MNAT1: variants seen among roughly 807,000 people sequenced by gnomAD.
MNAT1 encodes CDK-activating kinase assembly factor MAT1.
In MNAT1, 43 loss-of-function variants were observed where a neutral mutation model predicts 42.0. That is an observed-to-expected ratio of 1.02 (90% CI 0.80 to 1.32). MNAT1 has a LOEUF of 1.32. Among genes scored for constraint, MNAT1 ranks in the 40% most tolerant of loss-of-function variants. The probability of loss-of-function intolerance (pLI) is 0.00; values close to 1 mark genes in which losing one functional copy is unlikely to be tolerated. For missense variants in MNAT1, 306 were observed against 350.4 expected, an observed-to-expected ratio of 0.87 and a Z score of 1.01; for synonymous variants, 118 against 120.0, an observed-to-expected ratio of 0.98 and a Z score of 0.11.
intron 1 of MNAT1, among the ~76,000 whole-genome samples, chr14:60,752,639 T>C (rs556885816): frequency 1.3e-5 from 2 of 152,180 alleles, no homozygotes; most frequent in Non-Finnish European, 2.9e-5. Flanking sequence ...TATTCCAGCC[T>C]GGGTGACAGA....
At chr14:60,868,740 A>G (rs890942072) in intron 6 of MNAT1, among the ~76,000 whole-genome samples, 1 of 152,126 alleles carries the variant, frequency 6.6e-6, no homozygotes, top group Non-Finnish European at 1.5e-5. Flanking sequence ...ATTTTGTTAA[A>G]ATAACTACTA....
At chr14:60,886,791 C>T (rs963353046) in intron 7 of MNAT1, among the ~76,000 whole-genome samples, 3 of 151,874 alleles carry the variant, frequency 2.0e-5, no homozygotes, top group African/African-American at 7.3e-5. Context: ...TGATTTTGTA[C>T]ATATAGGATC....
At chr14:60,874,856 A>G (rs1207088938) in intron 6 of MNAT1, among the ~76,000 whole-genome samples, 1 of 152,092 alleles carries the variant, frequency 6.6e-6, no homozygotes, top group Non-Finnish European at 1.5e-5. Context: ...ATACTTTCTC[A>G]TGTGACCTGT....
At chr14:60,778,376 C>T (rs949397793) in intron 1 of MNAT1, among the ~76,000 whole-genome samples, 3 of 152,288 alleles carry the variant, frequency 2.0e-5, no homozygotes, top group Admixed American at 6.5e-5. Flanking sequence ...GCAGAATTCT[C>T]AACTTGGCTC....
intron 1 of MNAT1, among the ~76,000 whole-genome samples, chr14:60,791,157 TA>T (rs1420019573): frequency 5.3e-5 from 8 of 152,198 alleles, no homozygotes; most frequent in Non-Finnish European, 8.8e-5. Flanking sequence ...TTAAATATAC[TA>T]TTTGAATTTG....
At chr14:60,951,104 C>T (rs1248003973) in intron 7 of MNAT1, among the ~76,000 whole-genome samples, 2 of 152,018 alleles carry the variant, frequency 1.3e-5, no homozygotes, top group African/African-American at 4.8e-5. Context: ...TTAAATATTT[C>T]AAACATAGAG....
At chr14:60,952,559 G>A (rs2036403026) in intron 7 of MNAT1, among the ~76,000 whole-genome samples, 1 of 152,062 alleles carries the variant, frequency 6.6e-6, no homozygotes, top group African/African-American at 2.4e-5. Flanking sequence ...GTTTCACACT[G>A]GTATTCAGGA....
rs897648252 is a variant in MNAT1 at position 60,911,300 on chromosome 14, A to G, written c.809+31465A>G. Among the ~76,000 whole-genome samples the G allele has an allele frequency of 4.1e-4, 63 of 152,190 alleles. 1 individual carries two copies. The highest frequency in any genetic ancestry group is 1.3e-3 in the African/African-American group (56 of 41,492). On this transcript the variant is annotated intron_variant, in intron 7 of 7. Transcript: ENST00000261245. Reference sequence around the variant, plus strand: ...GCTCCTGGATTCATTGATTTTTTTAAGGGTTTTTTGTGTCTCTATTTCCGT... The same window carrying G: ...GCTCCTGGATTCATTGATTTTTTTAGGGGTTTTTTGTGTCTCTATTTCCGT...
intron 1 of MNAT1, among the ~76,000 whole-genome samples, chr14:60,750,141 T>C (rs894801679): frequency 3.9e-5 from 6 of 152,188 alleles, no homozygotes; most frequent in Non-Finnish European, 8.8e-5. Flanking sequence ...CAACAGTGAA[T>C]GTGGCAGACA....
intron 7 of MNAT1, among the ~76,000 whole-genome samples, chr14:60,921,056 T>C (rs1007856537): frequency 6.6e-6 from 1 of 152,178 alleles, no homozygotes; most frequent in African/African-American, 2.4e-5. Flanking sequence ...TTTTAATTTC[T>C]CTAAGTCCTT....
intron 7 of MNAT1, among the ~76,000 whole-genome samples, chr14:60,935,884 T>C (rs910898275): frequency 1.3e-5 from 2 of 152,156 alleles, no homozygotes; most frequent in Non-Finnish European, 2.9e-5. Context: ...AACCGGGCTC[T>C]TGTCACGCAA....
chr14:60,942,003 C>T (rs534562834), intron 7 of MNAT1, among the ~76,000 whole-genome samples: 1 of 29,938 alleles, frequency 3.3e-5, no homozygotes, highest in African/African-American at 1.9e-4. Flanking sequence ...GGCTCCATCT[C>T]AAAAAAAAAA....
intron 6 of MNAT1, among the ~76,000 whole-genome samples, chr14:60,869,040 A>ATATATATATAT (rs1465360826): frequency 5.4e-4 from 61 of 113,024 alleles, no homozygotes; most frequent in South Asian, 2.8e-3. Context: ...ATATATATAT[A>ATATATATATAT]TTTTTTTTTT....
chr14:60,920,973 A>G (rs892208777), intron 7 of MNAT1, among the ~76,000 whole-genome samples: 3 of 152,186 alleles, frequency 2.0e-5, no homozygotes, highest in Non-Finnish European at 4.4e-5. Context: ...ATTTATCGTT[A>G]TCATGTTCTA....
At chr14:60,739,747 T>A (rs969503347) in intron 1 of MNAT1, among the ~76,000 whole-genome samples, 4 of 152,114 alleles carry the variant, frequency 2.6e-5, no homozygotes, top group Admixed American at 2.6e-4. Flanking sequence ...AAAATGGTAA[T>A]TTTTTTTCTT....
intron 7 of MNAT1, among the ~76,000 whole-genome samples, chr14:60,914,441 C>T (rs1363428400): frequency 6.6e-6 from 1 of 152,128 alleles, no homozygotes; most frequent in Non-Finnish European, 1.5e-5. Flanking sequence ...TAGACTGGAG[C>T]TGTTCCTATT....
At chr14:60,755,613 T>A (rs550167326) in intron 1 of MNAT1, among the ~76,000 whole-genome samples, 1 of 152,160 alleles carries the variant, frequency 6.6e-6, no homozygotes, top group Non-Finnish European at 1.5e-5. Context: ...GCAGAAAATA[T>A]AGTGAAGATT....
At chr14:60,841,125 C>G (rs745875251) in intron 6 of MNAT1, among the ~76,000 whole-genome samples, 2 of 151,374 alleles carry the variant, frequency 1.3e-5, no homozygotes, top group Non-Finnish European at 2.9e-5. Flanking sequence ...CTGATTCTCT[C>G]TCTCTCTCTT....
chr14:60,917,194 G>A (rs1254567265), intron 7 of MNAT1, among the ~76,000 whole-genome samples: 1 of 152,154 alleles, frequency 6.6e-6, no homozygotes, highest in African/African-American at 2.4e-5. Context: ...TATGAGCAGA[G>A]GTTGGCGTAG....
Sources: allele counts gnomAD v4.1 joint callset (sites outside exome capture counted in the v4.1 genomes callset), GRCh38; gene constraint gnomAD v4.1.1; transcripts MANE v1.5; gene names NCBI Gene and HGNC (gene_info 2026-07-23, HGNC 2026-07-21).